Variants in SIPA1L3 observed in about 807,000 individuals in gnomAD.
SIPA1L3 encodes signal-induced proliferation-associated 1-like protein 3.
A neutral mutation model predicts 150.1 loss-of-function variants in SIPA1L3; 59 were observed. That is an observed-to-expected ratio of 0.39 (90% CI 0.32 to 0.49). The LOEUF is 0.49. SIPA1L3 is among the 20% of genes least tolerant of loss of function. SIPA1L3 has a pLI of 0.86. For synonymous variants in SIPA1L3, 1,070 were observed against 1,077.6 expected, an observed-to-expected ratio of 0.99 and a Z score of 0.14; for missense variants, 2,211 against 2,489.5, an observed-to-expected ratio of 0.89 and a Z score of 2.38.
In SIPA1L3 at chr19:38,136,825, C is replaced by T. The variant is rs149690210; in HGVS notation, c.3144-4359C>T. Among the ~76,000 whole-genome samples the T allele has an allele frequency of 2.2e-4, 33 of 152,230 alleles. No individual in the cohort carries two copies. The South Asian group carries it at 2.7e-3, about 12-fold the overall frequency. ...TCAGATCACTGGGGAAGGCGAGAGCCGGGAGGAGCTGGGGCAGAATCTTTT... is the reference window on the plus strand; with the variant it reads ...TCAGATCACTGGGGAAGGCGAGAGCTGGGAGGAGCTGGGGCAGAATCTTTT... On this transcript the variant is annotated intron_variant, in intron 10 of 21. Coordinates refer to ENST00000222345, the MANE Select transcript of SIPA1L3 (RefSeq NM_015073.3).
chr19:38,174,586 T>TCA (rs1267968619), intron 15 of SIPA1L3, among the ~76,000 whole-genome samples: 1 of 152,008 alleles, frequency 6.6e-6, no homozygotes, highest in African/African-American at 2.4e-5. Flanking sequence ...ACACGGTGGC[T>TCA]CGCCTCTCAT....
rs1273487236 is a variant in SIPA1L3, at chr19:38,119,489, C to G, written c.2475C>G (p.Leu825=). 4.3e-6 allele frequency: 7 copies of G among 1,614,086 alleles called. No homozygotes were observed. Among genetic ancestry groups the G allele is most frequent in the East Asian group, 2.2e-5 (1 of 44,888 alleles). ...CCACCAGGACCCGCCAGGAGTATCT[C>G]AAGGACCTGGCCGAAAACTGTGTCT... is the stretch of plus-strand genomic sequence containing the variant. The part of the protein sequence containing the change: ...TMATRTRQEY[L]KDLAENCVSN... The change falls in exon 9 of 22, where the codon CTC becomes CTG. Residue 825 remains leucine, a synonymous_variant. Coordinates refer to ENST00000222345, the MANE Select transcript of SIPA1L3 (RefSeq NM_015073.3).
intron 6 of SIPA1L3, among the ~76,000 whole-genome samples, chr19:38,104,189 T>C (rs1240739681): frequency 6.6e-6 from 1 of 152,180 alleles, no homozygotes; most frequent in African/African-American, 2.4e-5. Context: ...AGACAAATCT[T>C]AGAGAGAGAA....
At chr19:38,044,742 G>A (rs1354335864) in intron 2 of SIPA1L3, among the ~76,000 whole-genome samples, 1 of 152,132 alleles carries the variant, frequency 6.6e-6, no homozygotes, top group Non-Finnish European at 1.5e-5. Context: ...GGAATTGGGG[G>A]TCGTCACTGT....
intron 19 of SIPA1L3, among the ~76,000 whole-genome samples, chr19:38,201,324 CTTCACT>C (rs1337276064): frequency 1.3e-5 from 2 of 152,256 alleles, no homozygotes; most frequent in African/African-American, 4.8e-5. Context: ...ACCCAGGAAT[CTTCACT>C]TTCACTGGCA....
At chr19:38,138,097 C>G (rs1251458967) in intron 10 of SIPA1L3, among the ~76,000 whole-genome samples, 1 of 151,932 alleles carries the variant, frequency 6.6e-6, no homozygotes, top group Non-Finnish European at 1.5e-5. Context: ...CGCCACTGCA[C>G]TCTAGCCTGG....
chr19:38,166,921 C>T (rs1027418512), intron 15 of SIPA1L3, among the ~76,000 whole-genome samples: 4 of 150,892 alleles, frequency 2.7e-5, no homozygotes, highest in African/African-American at 9.8e-5. Context: ...TCCATCTATA[C>T]AGAAATATCT....
At chr19:38,045,805 G>A (rs1265410649) in intron 2 of SIPA1L3, among the ~76,000 whole-genome samples, 1 of 152,106 alleles carries the variant, frequency 6.6e-6, no homozygotes, top group Non-Finnish European at 1.5e-5. Flanking sequence ...AGGTGTCGCA[G>A]GTGGGGAGGA....
At chr19:38,041,335 A>G (rs1440283241) in intron 2 of SIPA1L3, among the ~76,000 whole-genome samples, 5 of 118,478 alleles carry the variant, frequency 4.2e-5, no homozygotes, top group African/African-American at 1.4e-4. Context: ...CTGGAGTGCT[A>G]TGTCATGATC....
chr19:38,007,369 C>T (rs1040263176), intron 1 of SIPA1L3, among the ~76,000 whole-genome samples: 5 of 148,550 alleles, frequency 3.4e-5, no homozygotes, highest in African/African-American at 7.5e-5. Context: ...AGGAGAATGG[C>T]GTGAACCCGG....
intron 2 of SIPA1L3, among the ~76,000 whole-genome samples, chr19:38,057,454 G>T (rs59710626): frequency 0.11 from 17,087 of 151,472 alleles, 1,094 homozygotes; most frequent in South Asian, 0.23. Flanking sequence ...TTTTTTTCTG[G>T]GAATGCATCT....
chr19:38,056,282 C>T (rs1969312485), intron 2 of SIPA1L3, among the ~76,000 whole-genome samples: 1 of 152,256 alleles, frequency 6.6e-6, no homozygotes, highest in Non-Finnish European at 1.5e-5. Context: ...CCTCTGTACC[C>T]TCGGCAGGTC....
At position 38,081,861 on chromosome 19, in the gene SIPA1L3, C is replaced by T; in HGVS notation, c.296C>T (p.Pro99Leu). ...KREALREHSN[P>L]SPSQDTDGTK... ...GAGGCCCTGAGAGAGCACAGCAACC[C>T]AAGCCCCTCCCAGGACACAGATGGC... Residue 99 changes from proline to leucine, a missense_variant, in exon 3 of 22, where the codon CCA (proline) becomes CTA (leucine). Pro to Leu is a moderately conservative substitution (Grantham distance 98, BLOSUM62 -3). Around this residue, in one of 5 missense-constraint regions of SIPA1L3, gnomAD observed 130 missense variants for 174.5 expected, o/e 0.74. Coordinates refer to ENST00000222345, the MANE Select transcript of SIPA1L3 (RefSeq NM_015073.3). 2 of 1,614,102 alleles carry T rather than the reference C, an allele frequency of 1.2e-6. No homozygotes were observed. The highest frequency in any genetic ancestry group is 1.7e-6 in the Non-Finnish European group (2 of 1,179,974).
intron 12 of SIPA1L3, among the ~76,000 whole-genome samples, chr19:38,144,009 G>C (rs890474060): frequency 6.6e-6 from 1 of 152,174 alleles, no homozygotes; most frequent in African/African-American, 2.4e-5. Context: ...TAGGGGGACT[G>C]TCTGTATTTC....
chr19:38,133,369 G>C (rs1568568306), intron 10 of SIPA1L3, among the ~76,000 whole-genome samples: 1 of 152,188 alleles, frequency 6.6e-6, no homozygotes, highest in Non-Finnish European at 1.5e-5. Context: ...TATATTGGCT[G>C]GAATGCTTCT....
intron 1 of SIPA1L3, among the ~76,000 whole-genome samples, chr19:37,971,400 C>T (rs1306665387): frequency 1.3e-5 from 2 of 152,136 alleles, no homozygotes; most frequent in South Asian, 4.1e-4. Flanking sequence ...AACCCATTCC[C>T]GCTTCCCTGA....
At chr19:38,142,268 T>C (rs965624130) in intron 11 of SIPA1L3, among the ~76,000 whole-genome samples, 2 of 152,222 alleles carry the variant, frequency 1.3e-5, no homozygotes, top group African/African-American at 4.8e-5. Flanking sequence ...AGGGACATCT[T>C]GTCCCCAGGG....
At chr19:37,930,962 T>C (rs1320464452) in intron 1 of SIPA1L3, among the ~76,000 whole-genome samples, 1 of 152,174 alleles carries the variant, frequency 6.6e-6, no homozygotes, top group Non-Finnish European at 1.5e-5. Flanking sequence ...TATGTGGTTT[T>C]TGTTTACTAC....
intron 1 of SIPA1L3, among the ~76,000 whole-genome samples, chr19:37,948,430 G>A (rs2046731835): frequency 6.6e-6 from 1 of 151,072 alleles, no homozygotes; most frequent in African/African-American, 2.4e-5. Context: ...TTGTGCCACT[G>A]CACTCCAGCC....
Sources: allele counts gnomAD v4.1 joint callset (sites outside exome capture counted in the v4.1 genomes callset), GRCh38; gene constraint gnomAD v4.1.1; regional missense constraint gnomAD v4.1.1; transcripts MANE v1.5; gene names NCBI Gene and HGNC (gene_info 2026-07-23, HGNC 2026-07-21).